Variants in NRG2 observed in about 807,000 individuals in gnomAD.
The protein encoded by NRG2 is pro-neuregulin-2, membrane-bound isoform.
In NRG2, 27 loss-of-function variants were observed where a neutral mutation model predicts 73.9. The observed-to-expected ratio is 0.37, with a 90% CI of 0.27 to 0.50. The LOEUF (loss-of-function observed/expected upper bound fraction) is 0.50. Ranked by LOEUF, NRG2 falls within the 20% of genes least tolerant of loss-of-function variation. NRG2 has a pLI of 0.96. For synonymous variants in NRG2, 532 were observed against 541.0 expected (o/e 0.98, Z 0.23); for missense variants, 1,126 against 1,210.1 (o/e 0.93, Z 1.03).
In NRG2 at chr5:140,008,037, C is replaced by T. The variant is rs1171365575; in HGVS notation, c.700+34333G>A. Among the ~76,000 whole-genome samples, 1 of 152,168 alleles carries T rather than the reference C, an allele frequency of 6.6e-6. No individual in the cohort carries two copies. Among genetic ancestry groups the T allele is most frequent in the Admixed American group, 6.5e-5 (1 of 15,278 alleles). ...ACTGTGAGACCCACAGCCGCCAGTC[C>T]TATAGTAGGAAGCTGTCACTCTCTA... On this transcript the variant is annotated intron_variant, in intron 1 of 9. Coordinates refer to ENST00000361474, the MANE Select transcript of NRG2 (RefSeq NM_004883.3). This position sits in a 1 kb window ranked among gnomAD's most constrained non-coding sequence, Gnocchi z 4.2.
rs1188316310 is a variant in NRG2, at chr5:139,904,397, T to G, written c.701-16886A>C. ...CGGCCCCTCCTCCTGGACTCCGACA[T>G]TCTGCACGGGGTCCCAGGCGGTGGG... On this transcript the variant is annotated intron_variant, in intron 1 of 9. Transcript: ENST00000361474. The surrounding 1 kb of genome is among the most constrained non-coding windows in gnomAD (Gnocchi z 6.0). 5 of 1,529,558 alleles carry G rather than the reference T, an allele frequency of 3.3e-6. No individual in the cohort carries two copies. Among genetic ancestry groups the G allele is most frequent in the Non-Finnish European group, 4.4e-6 (5 of 1,124,650 alleles). 94.7% of individuals were successfully genotyped at this position (1,529,558 alleles called of 1,614,324 possible).
chr5:139,946,920 A>G (rs1354217381), intron 1 of NRG2, among the ~76,000 whole-genome samples: 1 of 152,130 alleles, frequency 6.6e-6, no homozygotes, highest in Non-Finnish European at 1.5e-5. Flanking sequence ...ATATGAAAAG[A>G]TGCTTAACAT....
chr5:140,020,327 A>G, intron 1 of NRG2, among the ~76,000 whole-genome samples: 1 of 152,244 alleles, frequency 6.6e-6, no homozygotes. Context: ...AGCTTTGTGA[A>G]TAGCTGATTT....
intron 1 of NRG2, among the ~76,000 whole-genome samples, chr5:139,958,958 A>ATTGT (rs1754851434): frequency 6.6e-6 from 1 of 152,222 alleles, no homozygotes; most frequent in Non-Finnish European, 1.5e-5. Flanking sequence ...CAGGCCCCAC[A>ATTGT]GCAAGCTTTG....
At chr5:140,034,756 T>G (rs1761386499) in intron 1 of NRG2, among the ~76,000 whole-genome samples, 1 of 152,132 alleles carries the variant, frequency 6.6e-6, no homozygotes, top group Non-Finnish European at 1.5e-5. Context: ...ATAACATGAA[T>G]AGAATACCAT....
At chr5:139,864,824 G>A (rs1416240558) in intron 5 of NRG2, among the ~76,000 whole-genome samples, 2 of 152,132 alleles carry the variant, frequency 1.3e-5, no homozygotes, top group Non-Finnish European at 1.5e-5. Context: ...TTCGGAGCAG[G>A]GGAGGGCTCT....
At chr5:139,987,838 G>A (rs555061105) in intron 1 of NRG2, among the ~76,000 whole-genome samples, 2 of 148,016 alleles carry the variant, frequency 1.4e-5, no homozygotes, top group Admixed American at 6.8e-5. Context: ...GCAGTAGTGC[G>A]ATCTCGGCTC....
Position 140,042,428 on chromosome 5 carries a change from G to A in NRG2, c.642C>T (p.Leu214=), listed in dbSNP as rs1472312228. The change falls in exon 1 of 10, where the codon CTC becomes CTT. Residue 214 remains leucine, a synonymous_variant. Coordinates refer to ENST00000361474, the MANE Select transcript of NRG2 (RefSeq NM_004883.3). The stretch of plus-strand genomic sequence containing the variant: ...TCTTGAGATTTTTGCCGTTGGTATC[G>A]AGGGGGGCAAAGGCCGTCTTAAAGA... ...PLVFKTAFAP[L]DTNGKNLKKE... is the part of the protein sequence containing the mutation. 6 of 1,608,660 alleles carry A rather than the reference G, an allele frequency of 3.7e-6. No homozygotes were observed. The South Asian group carries it at 6.7e-5, about 18-fold the overall frequency.
In NRG2 at chr5:139,848,481, CCCGGGCCCGGGTCCGGGT is replaced by C. The variant is rs889462828; in HGVS notation, c.1971_1988del (p.Pro662_Gly667del). The C allele has an allele frequency of 1.2e-4, 156 of 1,340,174 alleles. No individual in the cohort carries two copies. The highest frequency in any genetic ancestry group is 1.3e-4 in the Non-Finnish European group (143 of 1,060,644). The allele number at this position is 1,340,174 out of a possible 1,614,324, so 83.0% of individuals were successfully genotyped here. On this transcript the variant is annotated inframe_deletion, in exon 10 of 10. Transcript: ENST00000361474. ...GCTGCATGTCTGCGCCGGGCCCGGGCCCGGGCCCGGGTCCGGGTCCCGGGCCGGGGGGCGCCGGGTGCC... is the reference window on the plus strand; with the variant it reads ...GCTGCATGTCTGCGCCGGGCCCGGGCCCCGGGCCGGGGGGCGCCGGGTGCC...
intron 1 of NRG2, among the ~76,000 whole-genome samples, chr5:140,033,238 G>A (rs536516539): frequency 6.6e-6 from 1 of 152,280 alleles, no homozygotes; most frequent in Non-Finnish European, 1.5e-5. Flanking sequence ...AGCAGGATGA[G>A]TCAAGGACCC....
intron 1 of NRG2, among the ~76,000 whole-genome samples, chr5:139,984,864 G>C (rs1477298269): frequency 6.6e-6 from 1 of 152,136 alleles, no homozygotes; most frequent in Non-Finnish European, 1.5e-5. Flanking sequence ...TTGTGATATG[G>C]CCTCCACAGA....
intron 1 of NRG2, among the ~76,000 whole-genome samples, chr5:139,925,122 T>C (rs1041705822): frequency 6.6e-6 from 1 of 151,868 alleles, no homozygotes; most frequent in Non-Finnish European, 1.5e-5. Context: ...GAAGTAGGGG[T>C]GGTGGAGTGT....
chr5:139,965,165 C>A (rs922213819), intron 1 of NRG2, among the ~76,000 whole-genome samples: 2 of 152,232 alleles, frequency 1.3e-5, no homozygotes, highest in Non-Finnish European at 2.9e-5. Context: ...TCCTCCCACC[C>A]TAGGCACAGT....
At chr5:139,863,999 G>C (rs1276329168) in intron 5 of NRG2, among the ~76,000 whole-genome samples, 2 of 152,128 alleles carry the variant, frequency 1.3e-5, no homozygotes, top group Non-Finnish European at 2.9e-5. Flanking sequence ...TTTCTCCAAG[G>C]CTACCTACAT....
intron 1 of NRG2, among the ~76,000 whole-genome samples, chr5:140,026,722 C>T (rs1040121111): frequency 2.6e-5 from 4 of 152,138 alleles, no homozygotes; most frequent in African/African-American, 9.7e-5. Context: ...TAAAAACTGT[C>T]ATGACTCGTC....
At chr5:139,905,848 G>T (rs1765190615) in intron 1 of NRG2, among the ~76,000 whole-genome samples, 2 of 152,132 alleles carry the variant, frequency 1.3e-5, no homozygotes, top group Admixed American at 6.5e-5. Context: ...TTCAACCCCT[G>T]CTCTTCAGTT....
At chr5:139,979,301 A>C (rs1339847917) in intron 1 of NRG2, among the ~76,000 whole-genome samples, 1 of 152,122 alleles carries the variant, frequency 6.6e-6, no homozygotes, top group Admixed American at 6.5e-5. Flanking sequence ...TTCTAAATCT[A>C]CCACTTCACA....
chr5:139,893,387 A>G (rs1764343814), intron 1 of NRG2, among the ~76,000 whole-genome samples: 1 of 152,222 alleles, frequency 6.6e-6, no homozygotes, highest in Admixed American at 6.5e-5. Context: ...TCATGCAGAA[A>G]GGGGACCCTC....
rs1761032952 is a variant in NRG2, at chr5:139,846,830, ACAGT to A, written c.*1083_*1086del. On this transcript the variant is annotated 3_prime_UTR_variant, in exon 10 of 10. Coordinates refer to ENST00000361474, the MANE Select transcript of NRG2 (RefSeq NM_004883.3). Reference sequence around the variant, plus strand: ...ATAATATAAAAATGTTCAAGTGTCAACAGTCAGGTGTTCAGACATTTCAGGACAG... The same window carrying A: ...ATAATATAAAAATGTTCAAGTGTCAACAGGTGTTCAGACATTTCAGGACAG... 1.3e-5 allele frequency: 2 copies of A among 152,150 alleles called. No individual in the cohort carries two copies. The highest frequency in any genetic ancestry group is 2.9e-5 in the Non-Finnish European group (2 of 68,014). 9.4% of individuals were successfully genotyped at this position (152,150 alleles called of 1,614,324 possible).
Sources: allele counts gnomAD v4.1 joint callset (sites outside exome capture counted in the v4.1 genomes callset), GRCh38; gene constraint gnomAD v4.1.1; non-coding constraint Gnocchi (gnomAD v3.1); transcripts MANE v1.5; gene names NCBI Gene and HGNC (gene_info 2026-07-23, HGNC 2026-07-21).